PIK3R6: variants seen among roughly 807,000 people sequenced by gnomAD.
PIK3R6 encodes phosphoinositide-3-kinase regulatory subunit 6.
A neutral mutation model predicts 84.9 loss-of-function variants in PIK3R6; 91 were observed. That is an observed-to-expected ratio of 1.07 (90% CI 0.90 to 1.28). PIK3R6 has a LOEUF of 1.28. PIK3R6 is among the 50% of genes most tolerant of loss of function. PIK3R6 has a pLI of 0.00. For synonymous variants in PIK3R6, 416 were observed against 411.4 expected, an observed-to-expected ratio of 1.01 and a Z score of -0.13; for missense variants, 996 against 985.1, an observed-to-expected ratio of 1.01 and a Z score of -0.15.
chr17:8,836,957 AGGAGGTGGAGGTAAGAGGGAGGAGGG>A lies in PIK3R6; in HGVS notation c.259-60_259-35del, dbSNP rs1567597988. ...GAGGGAGGAGGGGGAGGTGAGAGGGAGGAGGTGGAGGTAAGAGGGAGGAGGGGGAGGTGAAGGGTCCCGGGGGAGTT... is the reference window on the plus strand; with the variant it reads ...GAGGGAGGAGGGGGAGGTGAGAGGGAGGAGGTGAAGGGTCCCGGGGGAGTT... On this transcript the variant is annotated intron_variant, in intron 5 of 19. Transcript: ENST00000619866. The A allele has an allele frequency of 8.6e-6, 8 of 927,390 alleles. No individual in the cohort carries two copies. In the South Asian group the frequency reaches 1.3e-4, roughly 15 times the overall value. The allele number at this position is 927,390 out of a possible 1,614,324, so 57.4% of individuals were successfully genotyped here. A position where few individuals can be genotyped will look rare whatever the true frequency, so the allele number is the denominator to read the frequency against.
At chr17:8,819,909 CAT>C (rs1280089900) in intron 17 of PIK3R6, among the ~76,000 whole-genome samples, 6 of 140,488 alleles carry the variant, frequency 4.3e-5, no homozygotes, top group African/African-American at 1.7e-4. Context: ...TGTATACATA[CAT>C]ATATATATTT....
Position 8,803,162 on chromosome 17 carries a change from T to C in PIK3R6, c.*111A>G. On this transcript the variant is annotated 3_prime_UTR_variant, in exon 20 of 20. Coordinates refer to ENST00000619866, the MANE Select transcript of PIK3R6 (RefSeq NM_001010855.4). This position sits in a 1 kb window ranked among gnomAD's most constrained non-coding sequence, Gnocchi z 5.0. ...CTCCCAGGCACTCGCTGGCTCCTGGTCAAGGCCAAAGCTGCCGTGTGGAGC... is the reference window on the plus strand; with the variant it reads ...CTCCCAGGCACTCGCTGGCTCCTGGCCAAGGCCAAAGCTGCCGTGTGGAGC... The C allele has an allele frequency of 6.9e-7, 1 of 1,441,466 alleles. No individual in the cohort carries two copies. Among genetic ancestry groups the C allele is most frequent in the Non-Finnish European group, 9.5e-7 (1 of 1,051,656 alleles). The allele number at this position is 1,441,466 out of a possible 1,614,324, so 89.3% of individuals were successfully genotyped here.
At chr17:8,805,663 C>T (rs1034739853) in intron 18 of PIK3R6, among the ~76,000 whole-genome samples, 6 of 152,050 alleles carry the variant, frequency 3.9e-5, no homozygotes, top group South Asian at 2.1e-4. Context: ...TGCCTATAAT[C>T]GTAGCACTTT....
chr17:8,814,111 C>T lies in PIK3R6; in HGVS notation c.1995+4972G>A, dbSNP rs146576464. Among the ~76,000 whole-genome samples, 284 of 152,114 alleles carry T rather than the reference C, an allele frequency of 1.9e-3. 4 individuals carry two copies. Among genetic ancestry groups the T allele is most frequent in the African/African-American group, 6.2e-3 (256 of 41,492 alleles). ...CAAAGAGACTTGCAGATACTGACATCTGGGATCCCCCCACAGAAAGAACCA... is the reference window on the plus strand; with the variant it reads ...CAAAGAGACTTGCAGATACTGACATTTGGGATCCCCCCACAGAAAGAACCA... On this transcript the variant is annotated intron_variant, in intron 18 of 19. Coordinates refer to ENST00000619866, the MANE Select transcript of PIK3R6 (RefSeq NM_001010855.4).
intron 1 of PIK3R6, among the ~76,000 whole-genome samples, chr17:8,861,691 C>T (rs1292674151): frequency 1.3e-5 from 2 of 152,140 alleles, no homozygotes; most frequent in Non-Finnish European, 2.9e-5. Context: ...GTGTTCAAGT[C>T]ACCCTTATTT....
At chr17:8,805,827 A>T (rs535570441) in intron 18 of PIK3R6, among the ~76,000 whole-genome samples, 32 of 151,922 alleles carry the variant, frequency 2.1e-4, no homozygotes, top group African/African-American at 7.2e-4. Flanking sequence ...CTGAGGCAGG[A>T]GGATCGCTTG....
chr17:8,810,119 T>C (rs538333874), intron 18 of PIK3R6, among the ~76,000 whole-genome samples: 81 of 150,434 alleles, frequency 5.4e-4, no homozygotes, highest in Non-Finnish European at 9.7e-4. Context: ...GACTTACAGT[T>C]CCACATGGCT....
chr17:8,804,195 G>T, intron 18 of PIK3R6, 42 bp from the exon 19 acceptor site: 1 of 1,537,272 alleles, frequency 6.5e-7, no homozygotes. Flanking sequence ...GCCTTTGCTC[G>T]ACAGGTGGCC....
chr17:8,827,401 T>C (rs949490878), intron 12 of PIK3R6, 107 bp from the exon 13 acceptor site: 2 of 1,303,932 alleles, frequency 1.5e-6, no homozygotes, highest in African/African-American at 1.5e-5. Flanking sequence ...TTTAACCTCT[T>C]GGGGCATGAA....
intron 13 of PIK3R6, among the ~76,000 whole-genome samples, chr17:8,824,679 G>A (rs1440498428): frequency 2.0e-5 from 3 of 152,308 alleles, no homozygotes; most frequent in South Asian, 2.1e-4. Flanking sequence ...GTGTCCCAGC[G>A]GAGAAAAATA....
chr17:8,851,226 G>A (rs2088952773), intron 1 of PIK3R6, among the ~76,000 whole-genome samples: 1 of 151,998 alleles, frequency 6.6e-6, no homozygotes, highest in Non-Finnish European at 1.5e-5. Flanking sequence ...GGCCGGGCAC[G>A]ATGGTTCACT....
intron 1 of PIK3R6, among the ~76,000 whole-genome samples, chr17:8,852,772 T>C (rs1047739530): frequency 4.0e-5 from 6 of 149,490 alleles, no homozygotes; most frequent in Admixed American, 6.7e-5. Context: ...GTGGCAAAAA[T>C]TATGACAAAA....
intron 4 of PIK3R6, 34 bp from the exon 5 acceptor site, chr17:8,837,905 G>A (rs747963074): frequency 1.3e-6 from 2 of 1,588,820 alleles, no homozygotes; most frequent in South Asian, 1.1e-5. Flanking sequence ...CAGGTATTGG[G>A]CTGGGGGAAT....
At chr17:8,829,335 C>T (rs1405260508) in intron 10 of PIK3R6, among the ~76,000 whole-genome samples, 1 of 146,224 alleles carries the variant, frequency 6.8e-6, no homozygotes, top group Non-Finnish European at 1.5e-5. Context: ...TACACCCATG[C>T]AAGCACACAC....
In PIK3R6 at chr17:8,828,634, C is replaced by T. The variant is rs370939093; in HGVS notation, c.1246G>A (p.Ala416Thr). The change falls in exon 11 of 20, where the codon GCC (alanine) becomes ACC (threonine). Residue 416 changes from alanine to threonine, a missense_variant. By Grantham distance (58) the Ala-to-Thr change is moderately conservative. Transcript: ENST00000619866. ...TCATCTCCGAGCACAAGTACCCGGG[C>T]TGTGTGCAGCCGGGACACGCCGGGC... ...MLPGVSRLHT[A>T]RVLVLGDDRM... 6.2e-7 allele frequency: 1 copy of T among 1,613,458 alleles called. No individual in the cohort carries two copies. Among genetic ancestry groups the T allele is most frequent in the Non-Finnish European group, 8.5e-7 (1 of 1,179,708 alleles).
chr17:8,818,928 G>A (rs534723699), intron 18 of PIK3R6, among the ~76,000 whole-genome samples, 155 bp downstream of exon 18: 4 of 152,280 alleles, frequency 2.6e-5, no homozygotes, highest in South Asian at 2.1e-4. Context: ...ATTGAAAAGC[G>A]GATTCCTTCC....
intron 12 of PIK3R6, 37 bp from the exon 13 acceptor site, chr17:8,827,331 T>G: frequency 6.5e-7 from 1 of 1,539,638 alleles, no homozygotes. Flanking sequence ...CGTCAGGCCC[T>G]CTCTCCAGCT....
rs1168434119 is a variant in PIK3R6 at position 8,820,250 on chromosome 17, C to T, written c.1880-1052G>A. On this transcript the variant is annotated intron_variant, in intron 17 of 19. Transcript: ENST00000619866. ...GAGGGTTTGTAGAAGTCTGCTCTAC[C>T]GAGGGTGCTGGCATCATCAGACTGG... Among the ~76,000 whole-genome samples, 9 of 151,800 alleles carry T rather than the reference C, an allele frequency of 5.9e-5. No individual in the cohort carries two copies. In the East Asian group the frequency reaches 1.3e-3, roughly 23 times the overall value.
chr17:8,804,719 G>A (rs1278574285), intron 18 of PIK3R6, among the ~76,000 whole-genome samples: 1 of 152,102 alleles, frequency 6.6e-6, no homozygotes, highest in Non-Finnish European at 1.5e-5. Context: ...GCCTCCCATT[G>A]GGCAGAGAAC....
Sources: allele counts gnomAD v4.1 joint callset (sites outside exome capture counted in the v4.1 genomes callset), GRCh38; gene constraint gnomAD v4.1.1; non-coding constraint Gnocchi (gnomAD v3.1); transcripts MANE v1.5; gene names NCBI Gene and HGNC (gene_info 2026-07-23, HGNC 2026-07-21).